TUBB3: variants seen among roughly 807,000 people sequenced by gnomAD.
The protein encoded by TUBB3 is tubulin beta 3 class III, also known as tubulin beta-3 chain.
Under a neutral mutation model 37.8 loss-of-function variants are expected in TUBB3, and 17 were observed. The ratio of observed to expected loss-of-function variants is 0.45; its 90% CI spans 0.31 to 0.67. The LOEUF (loss-of-function observed/expected upper bound fraction) is 0.67, where lower values mean the gene tolerates loss of function less well. Ranked by LOEUF, TUBB3 falls within the 30% of genes least tolerant of loss-of-function variation. The pLI is 0.07. For synonymous variants in TUBB3, 332 were observed against 278.9 expected, an observed-to-expected ratio of 1.19 and a Z score of -1.90; for missense variants, 262 against 657.9, an observed-to-expected ratio of 0.40 and a Z score of 6.58.
intron 1 of TUBB3, chr16:89,931,940 G>A (rs1487703208): frequency 3.1e-6 from 1 of 320,932 alleles, no homozygotes; most frequent in Non-Finnish European, 6.5e-6. Context: ...GTGACCTCAG[G>A]CAAGTCGCTT....
At chr16:89,928,445 A>T (rs1329342975) in intron 1 of TUBB3, among the ~76,000 whole-genome samples, 4 of 148,198 alleles carry the variant, frequency 2.7e-5, no homozygotes, top group Non-Finnish European at 5.9e-5. Context: ...TGCAACCTCC[A>T]CCTCCTGGGT....
chr16:89,923,530 C>A, intron 1 of TUBB3, 72 bp downstream of exon 1: 1 of 1,288,686 alleles, frequency 7.8e-7, no homozygotes, highest in Non-Finnish European at 9.9e-7. Flanking sequence ...CCGCGGGCCG[C>A]ACCTCCAGCT....
chr16:89,927,597 C>CA (rs2030132728), intron 1 of TUBB3, among the ~76,000 whole-genome samples: 1 of 152,074 alleles, frequency 6.6e-6, no homozygotes, highest in Admixed American at 6.5e-5. Context: ...GTGACCTGTG[C>CA]ATATGGTTTT....
chr16:89,927,371 C>T (rs1284976527), intron 1 of TUBB3, among the ~76,000 whole-genome samples: 1 of 150,196 alleles, frequency 6.7e-6, no homozygotes, highest in Non-Finnish European at 1.5e-5. Flanking sequence ...GGCAATAGAG[C>T]AAGACCCTAT....
intron 1 of TUBB3, chr16:89,931,751 G>C (rs566152739): frequency 3.6e-6 from 1 of 277,418 alleles, no homozygotes; most frequent in Non-Finnish European, 7.8e-6. Context: ...TGAGGGAAGC[G>C]TCTGTGAACC....
At position 89,933,512 on chromosome 16, in the gene TUBB3, G is replaced by A. The variant is rs864321715; in HGVS notation, c.211G>A (p.Gly71Arg). ...AGCCATTCTGGTGGACCTGGAACCC[G>A]GAACCATGGACAGTGTCCGCTCAGG... ...PRAILVDLEP[G>R]TMDSVRSGAF... Residue 71 changes from glycine to arginine, a missense_variant, in exon 3 of 4, where the codon GGA becomes AGA. Around this residue, in one of 3 missense-constraint regions of TUBB3, gnomAD observed 165 missense variants for 556.8 expected, o/e 0.30. Coordinates refer to ENST00000315491, the MANE Select transcript of TUBB3 (RefSeq NM_006086.4). 6.2e-7 allele frequency: 1 copy of A among 1,614,116 alleles called. No individual in the cohort carries two copies. The highest frequency in any genetic ancestry group is 8.5e-7 in the Non-Finnish European group (1 of 1,180,018).
intron 1 of TUBB3, 48 bp downstream of exon 1, chr16:89,923,506 G>A (rs946132560): frequency 1.6e-5 from 22 of 1,376,254 alleles, no homozygotes; most frequent in Non-Finnish European, 2.1e-5. Context: ...GCGGGAGGAG[G>A]GAGGCGCCGT....
At chr16:89,932,924 C>T (rs1218442018) in intron 2 of TUBB3, 12 of 562,834 alleles carry the variant, frequency 2.1e-5, no homozygotes, top group African/African-American at 1.3e-4. Flanking sequence ...CTGTGCGTGT[C>T]CAGGGGCACA....
At chr16:89,933,231 G>A (rs565116983) in intron 2 of TUBB3, 10 of 691,216 alleles carry the variant, frequency 1.4e-5, no homozygotes, top group Admixed American at 1.0e-4. Context: ...TCTGGTGGAC[G>A]TCTGACTGAA....
chr16:89,922,301 GGTTCGTCT>G (rs2029909357), upstream of TUBB3: 2 of 152,420 alleles, frequency 1.3e-5, no homozygotes, highest in African/African-American at 4.8e-5. Context: ...GGCCGGGTGG[GGTTCGTCT>G]GTACATCGTG....
chr16:89,931,321 G>A (rs1007131181), intron 1 of TUBB3, among the ~76,000 whole-genome samples: 3 of 152,220 alleles, frequency 2.0e-5, no homozygotes, highest in African/African-American at 4.8e-5. Context: ...TGACTCACAT[G>A]TAGAGCCCCT....
At chr16:89,927,544 G>A (rs1329441014) in intron 1 of TUBB3, among the ~76,000 whole-genome samples, 1 of 152,050 alleles carries the variant, frequency 6.6e-6, no homozygotes, top group Non-Finnish European at 1.5e-5. Context: ...TATCCAAGTG[G>A]GAACAAATTT....
At chr16:89,923,179 A>G, upstream of TUBB3, 1 of 192,126 alleles carries the variant, frequency 5.2e-6, no homozygotes, top group Non-Finnish European at 1.0e-5. Context: ...TGGCTGCGGG[A>G]GGGGCGCCGC....
intron 2 of TUBB3, 65 bp from the exon 3 acceptor site, chr16:89,933,403 G>T: frequency 7.5e-7 from 1 of 1,329,430 alleles, no homozygotes; most frequent in Non-Finnish European, 1.1e-6. Context: ...ACAGAATTCA[G>T]AAAGAATGAG....
upstream of TUBB3, among the ~76,000 whole-genome samples, chr16:89,923,052 G>A (rs1044163163): frequency 5.3e-5 from 8 of 152,196 alleles, no homozygotes; most frequent in African/African-American, 1.9e-4. Flanking sequence ...GGGCCAAGAG[G>A]GGCCATTGTC....
At chr16:89,927,038 G>A (rs2030112609) in intron 1 of TUBB3, among the ~76,000 whole-genome samples, 1 of 151,828 alleles carries the variant, frequency 6.6e-6, no homozygotes, top group Admixed American at 6.6e-5. Flanking sequence ...CTGTAGTGAT[G>A]TTAACAATTT....
intron 1 of TUBB3, among the ~76,000 whole-genome samples, chr16:89,928,341 C>G (rs1450996921): frequency 2.0e-5 from 3 of 151,802 alleles, no homozygotes; most frequent in Non-Finnish European, 4.4e-5. Flanking sequence ...TAAATATGAG[C>G]CACCATGGCC....
At chr16:89,930,662 T>C (rs764309793) in intron 1 of TUBB3, among the ~76,000 whole-genome samples, 31 of 151,400 alleles carry the variant, frequency 2.0e-4, no homozygotes, top group Non-Finnish European at 3.7e-4. Flanking sequence ...GCCTCCCAAA[T>C]TGTTGGTATT....
At chr16:89,933,647 G>C (rs751812578) in intron 3 of TUBB3, 69 bp downstream of exon 3, 18 of 1,219,762 alleles carry the variant, frequency 1.5e-5, no homozygotes, top group Non-Finnish European at 2.2e-5. Context: ...GGTGGACGGG[G>C]ACGGCTGTGA....
Sources: gnomAD v4.1 joint callset for allele counts (sites outside exome capture counted in the v4.1 genomes callset) on GRCh38, gnomAD v4.1.1 for gene constraint, gnomAD v4.1.1 regional missense constraint, MANE v1.5 for transcripts, NCBI Gene and HGNC (gene_info 2026-07-23, HGNC 2026-07-21) for gene names.